The following LRRC9 variants were observed in gnomAD, a reference collection of about 807,000 sequenced individuals.
LRRC9 encodes leucine rich repeat containing 9.
LRRC9 carries 122 observed loss-of-function variants against 63.2 expected under a neutral mutation model. The ratio of observed to expected loss-of-function variants is 1.93; its 90% CI spans 1.67 to 2.24. The LOEUF (loss-of-function observed/expected upper bound fraction) is 2.24. Among genes scored for constraint, LRRC9 ranks in the 30% most tolerant of loss-of-function variants. The pLI, the probability that LRRC9 is intolerant of heterozygous loss-of-function variation, is 0.00. For synonymous variants in LRRC9, 366 were observed against 213.1 expected (o/e 1.72, Z -6.25); for missense variants, 1,071 against 627.7 (o/e 1.71, Z -7.55).
intron 1 of LRRC9, among the ~76,000 whole-genome samples, chr14:59,925,028 A>G (rs762913024): frequency 1.3e-5 from 2 of 151,898 alleles, no homozygotes; most frequent in Non-Finnish European, 2.9e-5. Flanking sequence ...TCATCTGATA[A>G]GGTCCTGATC....
At chr14:59,989,144 GT>G (rs942245152) in intron 17 of LRRC9, among the ~76,000 whole-genome samples, 8 of 151,326 alleles carry the variant, frequency 5.3e-5, no homozygotes, top group African/African-American at 1.7e-4. Context: ...GTTCTGGGTT[GT>G]TTTTTTCAGA....
chr14:60,006,688 T>C, intron 22 of LRRC9, 71 bp downstream of exon 22: 1 of 542,618 alleles, frequency 1.8e-6, no homozygotes, highest in Non-Finnish European at 3.2e-6. Flanking sequence ...AAGTAATGCA[T>C]GTTTATTGCA....
intron 15 of LRRC9, among the ~76,000 whole-genome samples, chr14:59,978,566 AT>A (rs1389405811): frequency 1.3e-5 from 2 of 152,048 alleles, no homozygotes; most frequent in African/African-American, 2.4e-5. Context: ...GTATTCTGTG[AT>A]TTTTTTGCCT....
chr14:60,060,420 T>C lies in LRRC9; in HGVS notation c.4276+2398T>C, dbSNP rs1463715707. Among the ~76,000 whole-genome samples, 1 of 152,148 alleles carries C rather than the reference T, an allele frequency of 6.6e-6. No individual in the cohort carries two copies. The highest frequency in any genetic ancestry group is 1.9e-4 in the East Asian group (1 of 5,182). On this transcript the variant is annotated intron_variant, in intron 31 of 31. Coordinates refer to ENST00000445360, the Ensembl canonical transcript of LRRC9. This position sits in a 1 kb window ranked among gnomAD's most constrained non-coding sequence, Gnocchi z 4.0. Reference sequence around the variant, plus strand: ...TTCAAGTATTATGATTTAAGAAATATATTTTGTAAGGCTCTAACTACCATA... The same window carrying C: ...TTCAAGTATTATGATTTAAGAAATACATTTTGTAAGGCTCTAACTACCATA...
rs149719562 is a variant in LRRC9, at chr14:60,038,069, T to C, written c.3990+6006T>C. Among the ~76,000 whole-genome samples the C allele has an allele frequency of 5.0e-3, 761 of 152,262 alleles. 13 individuals carry two copies. The highest frequency in any genetic ancestry group is 0.017 in the African/African-American group (720 of 41,536). ...TTTGTCTGGTTTATCAAAGATCAGA[T>C]GGTTGTAGATGTGTGGTATTGTTTC... On this transcript the variant is annotated intron_variant, in intron 29 of 31. Coordinates refer to ENST00000445360, the Ensembl canonical transcript of LRRC9.
At chr14:59,955,583 A>C (rs185163864) in intron 8 of LRRC9, among the ~76,000 whole-genome samples, 1 of 152,138 alleles carries the variant, frequency 6.6e-6, no homozygotes, top group Admixed American at 6.5e-5. Context: ...TGATCTTTTC[A>C]AAAAACCAGC....
chr14:60,055,577 G>A (rs1481530154), intron 30 of LRRC9, among the ~76,000 whole-genome samples: 1 of 152,012 alleles, frequency 6.6e-6, no homozygotes, highest in African/African-American at 2.4e-5. Context: ...TCTGAAAACC[G>A]GTATTAAAGG....
At chr14:59,920,094 C>G (rs565573952) in intron 1 of LRRC9, 50 bp from the exon 1 acceptor site, 1 of 152,276 alleles carries the variant, frequency 6.6e-6, no homozygotes, top group Non-Finnish European at 1.5e-5. Flanking sequence ...CCTCCCCACC[C>G]GGAGGTCGCC....
chr14:59,995,753 T>C (rs1888707609), intron 17 of LRRC9, among the ~76,000 whole-genome samples: 1 of 151,956 alleles, frequency 6.6e-6, no homozygotes, highest in Non-Finnish European at 1.5e-5. Context: ...TTTATTTTAT[T>C]TTGTTTTTGA....
chr14:60,000,928 G>A (rs910476573), intron 19 of LRRC9, among the ~76,000 whole-genome samples: 2 of 152,028 alleles, frequency 1.3e-5, no homozygotes, highest in African/African-American at 4.8e-5. Context: ...CCGAAGATCT[G>A]AACATACACT....
chr14:59,952,212 T>C (rs1222664223), intron 8 of LRRC9, among the ~76,000 whole-genome samples: 1 of 151,962 alleles, frequency 6.6e-6, no homozygotes, highest in Admixed American at 6.5e-5. Flanking sequence ...GTGCGCCGTT[T>C]TTTAAGCCGG....
chr14:60,048,869 T>G (rs1566908159), intron 29 of LRRC9, among the ~76,000 whole-genome samples: 1 of 152,154 alleles, frequency 6.6e-6, no homozygotes, highest in Non-Finnish European at 1.5e-5. Context: ...CTCTGATGAC[T>G]GTTGAGGCAA....
At chr14:60,066,218 T>C (rs759792773), downstream of LRRC9, among the ~76,000 whole-genome samples, 20 of 151,858 alleles carry the variant, frequency 1.3e-4, no homozygotes, top group Non-Finnish European at 2.5e-4. Context: ...GTGTGCACTA[T>C]GTATGTGTGT....
intron 23 of LRRC9, among the ~76,000 whole-genome samples, chr14:60,015,846 C>G (rs1490478884): frequency 6.6e-6 from 1 of 152,112 alleles, no homozygotes; most frequent in Non-Finnish European, 1.5e-5. Context: ...TGCCTTGTTA[C>G]AGATGAGCAC....
At position 59,999,029 on chromosome 14, in the gene LRRC9, A is replaced by T. The variant is rs1889092350; in HGVS notation, c.2404-72A>T. On this transcript the variant is annotated intron_variant, in intron 18 of 31. Transcript: ENST00000445360. ...ATGATTTTGAATTATATGGAAAGACATGAAAACAGTCATTTTCATGCCATA... is the reference window on the plus strand; with the variant it reads ...ATGATTTTGAATTATATGGAAAGACTTGAAAACAGTCATTTTCATGCCATA... 1.1e-5 allele frequency: 6 copies of T among 557,478 alleles called. No individual in the cohort carries two copies. In the African/African-American group the frequency reaches 1.1e-4, roughly 11 times the overall value. 34.5% of individuals were successfully genotyped at this position (557,478 alleles called of 1,614,324 possible).
rs1371666885 is a variant in LRRC9 at position 59,923,399 on chromosome 14, T to C, written c.-34+3516T>C. Among the ~76,000 whole-genome samples the C allele has an allele frequency of 5.9e-5, 9 of 152,200 alleles. No individual in the cohort carries two copies. Among genetic ancestry groups the C allele is most frequent in the Admixed American group, 5.9e-4 (9 of 15,282 alleles). Reference sequence around the variant, plus strand: ...GGCATATTTTTCTTCCAAGGAAAAGTAGTCTCAAGTAAATGGAGAGCTATC... The same window carrying C: ...GGCATATTTTTCTTCCAAGGAAAAGCAGTCTCAAGTAAATGGAGAGCTATC... On this transcript the variant is annotated intron_variant, in intron 1 of 31. Coordinates refer to ENST00000445360, the Ensembl canonical transcript of LRRC9. The surrounding 1 kb of genome is among the most constrained non-coding windows in gnomAD (Gnocchi z 4.2).
At chr14:60,056,039 T>A (rs1203152844) in intron 30 of LRRC9, among the ~76,000 whole-genome samples, 1 of 152,182 alleles carries the variant, frequency 6.6e-6, no homozygotes, top group Non-Finnish European at 1.5e-5. Flanking sequence ...AGTAATGCCA[T>A]CACTTAGACC....
intron 29 of LRRC9, among the ~76,000 whole-genome samples, chr14:60,052,134 T>C (rs1431824961): frequency 2.0e-5 from 3 of 152,194 alleles, no homozygotes; most frequent in Non-Finnish European, 4.4e-5. Flanking sequence ...TTGGCCCACA[T>C]TCAGGTCTTT....
intron 29 of LRRC9, among the ~76,000 whole-genome samples, chr14:60,049,469 G>A (rs1032183380): frequency 1.3e-5 from 2 of 152,152 alleles, no homozygotes; most frequent in Non-Finnish European, 2.9e-5. Context: ...AATTCCCTCT[G>A]CATTTGTTTG....
Sources: allele counts gnomAD v4.1 joint callset (sites outside exome capture counted in the v4.1 genomes callset), GRCh38; gene constraint gnomAD v4.1.1; non-coding constraint Gnocchi (gnomAD v3.1); transcripts MANE v1.5; gene names NCBI Gene and HGNC (gene_info 2026-07-23, HGNC 2026-07-21).